SLC49A4: variants seen among roughly 807,000 people sequenced by gnomAD.
The protein encoded by SLC49A4 is disrupted in renal cancer protein 2.
Under a neutral mutation model 50.6 loss-of-function variants are expected in SLC49A4, and 36 were observed. The ratio of observed to expected loss-of-function variants is 0.71; its 90% CI spans 0.55 to 0.94. The LOEUF is 0.94. SLC49A4 is among the 40% of genes least tolerant of loss of function. The pLI, the probability that SLC49A4 is intolerant of heterozygous loss-of-function variation, is 0.00. For synonymous variants in SLC49A4, 248 were observed against 241.2 expected (o/e 1.03, Z -0.26); for missense variants, 503 against 605.7 (o/e 0.83, Z 1.78).
chr3:122,859,987 C>T, intron 6 of SLC49A4, 88 bp from the exon 7 acceptor site: 3 of 1,126,870 alleles, frequency 2.7e-6, no homozygotes, highest in Non-Finnish European at 3.6e-6. Context: ...ATGGAAAATT[C>T]CTCAAGTAGT....
At chr3:122,849,973 C>A (rs529767379) in intron 5 of SLC49A4, among the ~76,000 whole-genome samples, 1 of 151,916 alleles carries the variant, frequency 6.6e-6, no homozygotes, top group Non-Finnish European at 1.5e-5. Context: ...TACATTGAAC[C>A]CTTTTCCCTT....
intron 7 of SLC49A4, among the ~76,000 whole-genome samples, chr3:122,863,142 C>G (rs923235539): frequency 6.6e-6 from 1 of 152,194 alleles, no homozygotes; most frequent in East Asian, 1.9e-4. Flanking sequence ...CACTTAGATA[C>G]TCTTGAAAGA....
chr3:122,854,886 T>C (rs931237166), intron 5 of SLC49A4, among the ~76,000 whole-genome samples: 12 of 151,940 alleles, frequency 7.9e-5, no homozygotes, highest in Non-Finnish European at 2.9e-5. Context: ...GGTCAGGAGA[T>C]CAAGACCATC....
chr3:122,877,965 A>T (rs936339367), intron 8 of SLC49A4, among the ~76,000 whole-genome samples: 1 of 152,326 alleles, frequency 6.6e-6, no homozygotes, highest in South Asian at 2.1e-4. Flanking sequence ...ATAGAATAGC[A>T]TGTCTGACTT....
At chr3:122,804,996 A>T (rs1043322753) in intron 1 of SLC49A4, among the ~76,000 whole-genome samples, 1 of 152,062 alleles carries the variant, frequency 6.6e-6, no homozygotes, top group Non-Finnish European at 1.5e-5. Flanking sequence ...TTAAAAACAA[A>T]CTCTTTAGAA....
intron 5 of SLC49A4, 61 bp from the exon 6 acceptor site, chr3:122,856,244 TCA>T: frequency 6.5e-7 from 1 of 1,550,334 alleles, no homozygotes; most frequent in Admixed American, 1.8e-5. Flanking sequence ...GGACTTTTTT[TCA>T]TTCCTTTTAT....
intron 7 of SLC49A4, among the ~76,000 whole-genome samples, chr3:122,861,145 T>G (rs1454417511): frequency 6.6e-6 from 1 of 152,224 alleles, no homozygotes; most frequent in African/African-American, 2.4e-5. Context: ...CCAAGATAAT[T>G]TGGAAAAGTC....
chr3:122,856,607 C>T (rs1465120025), intron 6 of SLC49A4, among the ~76,000 whole-genome samples: 2 of 152,120 alleles, frequency 1.3e-5, no homozygotes, highest in African/African-American at 2.4e-5. Context: ...GAGGCTGAGG[C>T]AGGCGGATTA....
chr3:122,830,498 G>A (rs1560210974), intron 3 of SLC49A4, among the ~76,000 whole-genome samples: 1 of 152,186 alleles, frequency 6.6e-6, no homozygotes, highest in South Asian at 2.1e-4. Context: ...CTAAAAAAGT[G>A]ATACTGCGTA....
At chr3:122,851,773 T>G (rs1936929945) in intron 5 of SLC49A4, among the ~76,000 whole-genome samples, 1 of 152,172 alleles carries the variant, frequency 6.6e-6, no homozygotes. Flanking sequence ...ACTATATACA[T>G]TATACCTTTA....
At chr3:122,865,120 G>T (rs1937101318) in intron 7 of SLC49A4, among the ~76,000 whole-genome samples, 1 of 152,114 alleles carries the variant, frequency 6.6e-6, no homozygotes, top group Non-Finnish European at 1.5e-5. Flanking sequence ...CAATTTTATG[G>T]ACTAAAAGTG....
chr3:122,857,918 A>T (rs1472623951), intron 6 of SLC49A4, among the ~76,000 whole-genome samples: 1 of 152,202 alleles, frequency 6.6e-6, no homozygotes, highest in Non-Finnish European at 1.5e-5. Flanking sequence ...CTAGATATAG[A>T]TATAATTAAA....
At chr3:122,852,000 T>G (rs906139958) in intron 5 of SLC49A4, among the ~76,000 whole-genome samples, 7 of 149,958 alleles carry the variant, frequency 4.7e-5, no homozygotes, top group Non-Finnish European at 1.0e-4. Context: ...ATTCTTTTTT[T>G]TTTTTTTTTT....
At chr3:122,853,436 T>C (rs992920806) in intron 5 of SLC49A4, among the ~76,000 whole-genome samples, 7 of 152,132 alleles carry the variant, frequency 4.6e-5, no homozygotes, top group African/African-American at 1.7e-4. Flanking sequence ...CTCAGTTCTG[T>C]TAAGGAAAAG....
At chr3:122,854,197 C>G (rs1936958086) in intron 5 of SLC49A4, among the ~76,000 whole-genome samples, 5 of 152,158 alleles carry the variant, frequency 3.3e-5, no homozygotes. Context: ...GCCTCAAATG[C>G]CAATAGTGTG....
Position 122,813,082 on chromosome 3 carries a change from T to A in SLC49A4, c.437+6132T>A, listed in dbSNP as rs1373976935. Among the ~76,000 whole-genome samples, 3 of 152,028 alleles carry A rather than the reference T, an allele frequency of 2.0e-5. No individual in the cohort carries two copies. The East Asian group carries it at 5.8e-4, about 29-fold the overall frequency. ...CTAGCCAACATAGTGAAACCCAGTCTCTACTAAAAATACAAAAATTAGCCG... is the reference window on the plus strand; with the variant it reads ...CTAGCCAACATAGTGAAACCCAGTCACTACTAAAAATACAAAAATTAGCCG... On this transcript the variant is annotated intron_variant, in intron 2 of 8. Transcript: ENST00000261038.
At chr3:122,826,107 T>C (rs759960055) in intron 2 of SLC49A4, among the ~76,000 whole-genome samples, 1 of 152,208 alleles carries the variant, frequency 6.6e-6, no homozygotes, top group Non-Finnish European at 1.5e-5. Context: ...GATCTCCTCA[T>C]TTCACGAGGG....
chr3:122,804,940 G>A (rs1438602368), intron 1 of SLC49A4, among the ~76,000 whole-genome samples: 4 of 152,140 alleles, frequency 2.6e-5, no homozygotes, highest in Admixed American at 6.6e-5. Flanking sequence ...GGACCATATG[G>A]CCATAAACAG....
intron 3 of SLC49A4, among the ~76,000 whole-genome samples, chr3:122,829,760 GAGGTAACATCACATTTCACTTCT>G (rs1936584607): frequency 6.6e-6 from 1 of 152,042 alleles, no homozygotes; most frequent in Non-Finnish European, 1.5e-5. Flanking sequence ...AAAAAACCTG[GAGGTAACATCACATTTCACTTCT>G]AGGGTTATGA....
Sources: allele counts gnomAD v4.1 joint callset (sites outside exome capture counted in the v4.1 genomes callset), GRCh38; gene constraint gnomAD v4.1.1; transcripts MANE v1.5; gene names NCBI Gene and HGNC (gene_info 2026-07-23, HGNC 2026-07-21).